Variants in STARD13 observed in about 807,000 individuals in gnomAD.
STARD13 encodes the protein StAR related lipid transfer domain containing 13.
Under a neutral mutation model 106.4 loss-of-function variants are expected in STARD13, and 62 were observed. The ratio of observed to expected loss-of-function variants is 0.58; its 90% CI spans 0.48 to 0.72. STARD13 has a LOEUF of 0.72. Ranked by LOEUF, STARD13 falls within the 30% of genes least tolerant of loss-of-function variation. STARD13 has a pLI of 0.00. For synonymous variants in STARD13, 565 were observed against 553.0 expected (o/e 1.02, Z -0.31); for missense variants, 1,387 against 1,424.0 (o/e 0.97, Z 0.42).
chr13:33,613,043 C>G, the STARD13 span, among the ~76,000 whole-genome samples: 1 of 152,150 alleles, frequency 6.6e-6, no homozygotes, highest in Non-Finnish European at 1.5e-5. Context: ...CTCTTTTTCT[C>G]AGAATTATAC....
intron 1 of STARD13, among the ~76,000 whole-genome samples, chr13:33,266,222 G>C (rs375463402): frequency 6.6e-6 from 1 of 152,140 alleles, no homozygotes; most frequent in Non-Finnish European, 1.5e-5. Context: ...CTGGGTTTTC[G>C]TTTCTTAATC....
At chr13:33,227,495 C>A (rs1199492184) in intron 1 of STARD13, among the ~76,000 whole-genome samples, 2 of 152,170 alleles carry the variant, frequency 1.3e-5, no homozygotes, top group Non-Finnish European at 2.9e-5. Context: ...GTCATTAACT[C>A]TATATTTAGA....
chr13:33,661,721 C>T, the STARD13 span, among the ~76,000 whole-genome samples: 1 of 152,086 alleles, frequency 6.6e-6, no homozygotes, highest in African/African-American at 2.4e-5. Flanking sequence ...AAACCGCCCC[C>T]ATGATTGAAT....
At chr13:33,127,747 CTTA>C (rs1481314502) in intron 5 of STARD13, among the ~76,000 whole-genome samples, 1 of 152,096 alleles carries the variant, frequency 6.6e-6, no homozygotes, top group Non-Finnish European at 1.5e-5. Flanking sequence ...TGGAAAAAGT[CTTA>C]TTATCCATTT....
the STARD13 span, among the ~76,000 whole-genome samples, chr13:33,643,132 G>A: frequency 6.6e-6 from 1 of 150,770 alleles, no homozygotes; most frequent in African/African-American, 2.4e-5. Flanking sequence ...TACCAGTGAA[G>A]TGAGTTGGGT....
At chr13:33,583,950 T>A in the STARD13 span, among the ~76,000 whole-genome samples, 1 of 152,168 alleles carries the variant, frequency 6.6e-6, no homozygotes, top group African/African-American at 2.4e-5. Context: ...CCTGTTTGTG[T>A]CCCTGCCTTC....
chr13:33,251,485 T>G (rs1890093689), intron 1 of STARD13, among the ~76,000 whole-genome samples: 1 of 152,216 alleles, frequency 6.6e-6, no homozygotes, highest in Non-Finnish European at 1.5e-5. Context: ...GTGCATTCAG[T>G]ACAGTTATCA....
chr13:33,199,599 A>G (rs1461121440), intron 1 of STARD13, among the ~76,000 whole-genome samples: 1 of 152,258 alleles, frequency 6.6e-6, no homozygotes, highest in East Asian at 1.9e-4. Context: ...TGCCTGCCAC[A>G]GAGAGGTCAC....
the STARD13 span, among the ~76,000 whole-genome samples, chr13:33,628,303 T>A: frequency 6.6e-6 from 1 of 152,154 alleles, no homozygotes; most frequent in Non-Finnish European, 1.5e-5. Flanking sequence ...TGGTACTAAT[T>A]AATTTATTCA....
At chr13:33,391,029 G>C in the STARD13 span, among the ~76,000 whole-genome samples, 1 of 152,240 alleles carries the variant, frequency 6.6e-6, no homozygotes, top group Admixed American at 6.5e-5. Flanking sequence ...GTCACAGAAA[G>C]GATTTTCCCT....
chr13:33,304,468 G>C (rs1892830979), intron 1 of STARD13, among the ~76,000 whole-genome samples: 1 of 151,970 alleles, frequency 6.6e-6, no homozygotes, highest in African/African-American at 2.4e-5. Flanking sequence ...AGAAACATCT[G>C]TCAACATTCC....
intron 1 of STARD13, among the ~76,000 whole-genome samples, chr13:33,303,110 C>T (rs1892779893): frequency 6.6e-6 from 1 of 152,164 alleles, no homozygotes; most frequent in African/African-American, 2.4e-5. Context: ...CTCAGAGGCC[C>T]CCTTCTCTAG....
chr13:33,194,272 C>CA (rs1043761093), intron 1 of STARD13, among the ~76,000 whole-genome samples: 2 of 151,628 alleles, frequency 1.3e-5, no homozygotes, highest in African/African-American at 4.9e-5. Context: ...TACTTCACTT[C>CA]AAAAAAACCT....
rs937100278 is a variant in STARD13 at position 33,235,080 on chromosome 13, A to G, written c.169+50390T>C. Among the ~76,000 whole-genome samples the G allele has an allele frequency of 4.6e-5, 7 of 152,354 alleles. No individual in the cohort carries two copies. The East Asian group carries it at 1.3e-3, about 29-fold the overall frequency. Reference sequence around the variant, plus strand: ...TTCAAAGTGGCGTCTTCAAACTAGCATCAGGAATGCTTGAGTCCCCAGTTC... The same window carrying G: ...TTCAAAGTGGCGTCTTCAAACTAGCGTCAGGAATGCTTGAGTCCCCAGTTC... On this transcript the variant is annotated intron_variant, in intron 1 of 13. Transcript: ENST00000336934.
chr13:33,524,712 C>A, the STARD13 span, among the ~76,000 whole-genome samples: 2 of 151,802 alleles, frequency 1.3e-5, no homozygotes, highest in Non-Finnish European at 2.9e-5. Flanking sequence ...TTATTATAAT[C>A]TTTTATTTTT....
chr13:33,407,445 C>T, the STARD13 span, among the ~76,000 whole-genome samples: 1 of 152,184 alleles, frequency 6.6e-6, no homozygotes, highest in Non-Finnish European at 1.5e-5. Context: ...CACAGTATTG[C>T]TCCTGCTTTT....
the STARD13 span, among the ~76,000 whole-genome samples, chr13:33,533,300 C>T: frequency 5.9e-5 from 9 of 152,152 alleles, no homozygotes; most frequent in African/African-American, 1.9e-4. Flanking sequence ...AGCCAACCCC[C>T]ACAGGCCTTT....
At position 33,106,822 on chromosome 13, in the gene STARD13, A is replaced by C; in HGVS notation, c.3160T>G (p.Tyr1054Asp). ...CCAGAGCCACACGGTTCTATCAAGT[A>C]CTGCGAGTCCATCACCACTGCTCGC... Reference protein sequence around the residue: ...GVRAVVMDSQYLIEPCGSGKS... With the variant: ...GVRAVVMDSQDLIEPCGSGKS... Residue 1054 changes from tyrosine (Y) to aspartate (D), a missense_variant, in exon 13 of 14, where the codon TAC (tyrosine) becomes GAC (aspartate). Physicochemically the swap from Tyr to Asp is radical, Grantham distance 160. Coordinates refer to ENST00000336934, the MANE Select transcript of STARD13 (RefSeq NM_178006.4). The C allele has an allele frequency of 6.2e-7, 1 of 1,614,198 alleles. No homozygotes were observed. Among genetic ancestry groups the C allele is most frequent in the South Asian group, 1.1e-5 (1 of 91,076 alleles).
the STARD13 span, among the ~76,000 whole-genome samples, chr13:33,522,964 G>A: frequency 2.0e-5 from 3 of 152,244 alleles, no homozygotes; most frequent in African/African-American, 4.8e-5. Context: ...AGCATTGTGC[G>A]TGGAACATAT....
Sources: allele counts gnomAD v4.1 joint callset (sites outside exome capture counted in the v4.1 genomes callset), GRCh38; gene constraint gnomAD v4.1.1; transcripts MANE v1.5; gene names NCBI Gene and HGNC (gene_info 2026-07-23, HGNC 2026-07-21).